The following PCSK9 variants were observed in gnomAD, a reference collection of about 807,000 sequenced individuals.
The protein encoded by PCSK9 is convertase subtilisin/kexin type 9 preproprotein.
PCSK9 carries 57 observed loss-of-function variants against 62.1 expected under a neutral mutation model. The ratio of observed to expected loss-of-function variants is 0.92; its 90% CI spans 0.74 to 1.14. The LOEUF is 1.14. Among genes scored for constraint, PCSK9 ranks in the 50% most tolerant of loss-of-function variants. The pLI is 0.00. For missense variants in PCSK9, 870 were observed against 959.8 expected (o/e 0.91, Z 1.24); for synonymous variants, 387 against 409.4 (o/e 0.95, Z 0.66).
intron 10 of PCSK9, among the ~76,000 whole-genome samples, chr1:55,060,571 G>A (rs112628598): frequency 6.6e-6 from 1 of 152,172 alleles, no homozygotes; most frequent in Middle Eastern, 3.2e-3. Context: ...AGGGGTCCTG[G>A]CTTGGAGGGA....
At chr1:55,057,976 C>A in intron 7 of PCSK9, 60 bp from the exon 8 acceptor site, 1 of 1,598,502 alleles carries the variant, frequency 6.3e-7, no homozygotes, top group Non-Finnish European at 8.6e-7. Context: ...TGGCAGGAGT[C>A]CCCTGCTGGG....
At position 55,043,945 on chromosome 1, in the gene PCSK9, C is replaced by T. The variant is rs369067856; in HGVS notation, c.310C>T (p.Arg104Cys). 2.7e-5 allele frequency: 43 copies of T among 1,614,072 alleles called. No homozygotes were observed. The highest frequency in any genetic ancestry group is 1.3e-4 in the African/African-American group (10 of 74,942). ...TARRLQAQAA[R>C]RGYLTKILHV... ...CCGCCGCCTGCAGGCCCAGGCTGCC[C>T]GCCGGGGATACCTCACCAAGATCCT... Residue 104 changes from arginine to cysteine, a missense_variant, in exon 2 of 12, where the codon CGC becomes TGC. Physicochemically the swap from Arg to Cys is radical, Grantham distance 180. Coordinates refer to ENST00000302118, the MANE Select transcript of PCSK9 (RefSeq NM_174936.4).
intron 10 of PCSK9, 73 bp from the exon 11 acceptor site, chr1:55,061,302 G>A: frequency 6.7e-7 from 1 of 1,485,402 alleles, no homozygotes; most frequent in Non-Finnish European, 9.1e-7. Context: ...AAGAGAGAGG[G>A]TCTGATGGGG....
At chr1:55,048,945 G>T (rs531258589) in intron 3 of PCSK9, among the ~76,000 whole-genome samples, 1 of 152,220 alleles carries the variant, frequency 6.6e-6, no homozygotes, top group Non-Finnish European at 1.5e-5. Flanking sequence ...CCCACTGTGC[G>T]CCAGGCACCA....
At position 55,039,783 on chromosome 1, in the gene PCSK9, C is replaced by G; in HGVS notation, c.-55C>G. 1.3e-6 allele frequency: 2 copies of G among 1,558,458 alleles called. No homozygotes were observed. Among genetic ancestry groups the G allele is most frequent in the Non-Finnish European group, 1.7e-6 (2 of 1,149,554 alleles). ...AGGCTCAAGGCGCCGCCGGCGTGGA[C>G]CGCGCACGGCCTCTAGGTCTCCTCG... On this transcript the variant is annotated 5_prime_UTR_variant, in exon 1 of 12. Coordinates refer to ENST00000302118, the MANE Select transcript of PCSK9 (RefSeq NM_174936.4).
At chr1:55,055,569 T>G (rs471705) in intron 5 of PCSK9, among the ~76,000 whole-genome samples, 78,477 of 151,948 alleles carry the variant, frequency 0.52, 23,139 homozygotes, top group East Asian at 0.76. Context: ...ACCAGTAGGA[T>G]GTATATATTA....
rs1644719796 is a variant in PCSK9, at chr1:55,056,936, C to T, written c.997-395C>T. Among the ~76,000 whole-genome samples, 3 of 42,832 alleles carry T rather than the reference C, an allele frequency of 7.0e-5. No homozygotes were observed. The South Asian group carries it at 5.4e-3, about 78-fold the overall frequency. The allele number at this position is 42,832 out of a possible 152,430, so 28.1% of individuals were successfully genotyped here. ...TACCTGACAGCGGTAACCTAGGTCCCCCCTGGCCTATCAAGGCTTCCCTGG... is the reference window on the plus strand; with the variant it reads ...TACCTGACAGCGGTAACCTAGGTCCTCCCTGGCCTATCAAGGCTTCCCTGG... On this transcript the variant is annotated intron_variant, in intron 6 of 11. Coordinates refer to ENST00000302118, the MANE Select transcript of PCSK9 (RefSeq NM_174936.4).
At chr1:55,057,885 C>T (rs917390637) in intron 7 of PCSK9, 151 bp from the exon 8 acceptor site, 1 of 1,085,980 alleles carries the variant, frequency 9.2e-7, no homozygotes, top group Non-Finnish European at 1.4e-6. Context: ...TGAGTAAGGA[C>T]TGCAGGCGGC....
chr1:55,044,135 G>A, intron 2 of PCSK9, 101 bp downstream of exon 2: 1 of 1,350,640 alleles, frequency 7.4e-7, no homozygotes, highest in East Asian at 2.4e-5. Context: ...AAATCAGAAG[G>A]GGACAGCAAG....
chr1:55,050,580 C>T (rs780243753), intron 3 of PCSK9, among the ~76,000 whole-genome samples: 1 of 152,190 alleles, frequency 6.6e-6, no homozygotes, highest in Non-Finnish European at 1.5e-5. Flanking sequence ...AAAGTGCCCA[C>T]GGGACTGATC....
rs1200471738 is a variant in PCSK9 at position 55,064,213 on chromosome 1, T to C, written c.*629T>C. ...CCTGAGCCACCTTTACTCTGCTCTATGCCAGGCTGTGCTAGCAACACCCAA... is the reference window on the plus strand; with the variant it reads ...CCTGAGCCACCTTTACTCTGCTCTACGCCAGGCTGTGCTAGCAACACCCAA... On this transcript the variant is annotated 3_prime_UTR_variant, in exon 12 of 12. Transcript: ENST00000302118. 1 of 154,844 alleles carries C rather than the reference T, an allele frequency of 6.5e-6. No homozygotes were observed. The highest frequency in any genetic ancestry group is 1.4e-5 in the Non-Finnish European group (1 of 69,812). 9.6% of individuals were successfully genotyped at this position (154,844 alleles called of 1,614,324 possible). A position where few individuals can be genotyped will look rare whatever the true frequency, so the allele number is the denominator to read the frequency against.
At chr1:55,052,254 T>G (rs761029149) in intron 3 of PCSK9, 24 bp from the exon 4 acceptor site, 7 of 1,613,942 alleles carry the variant, frequency 4.3e-6, no homozygotes, top group Non-Finnish European at 5.9e-6. Context: ...TTCCCTCCTC[T>G]CCCACAAATG....
intron 2 of PCSK9, among the ~76,000 whole-genome samples, chr1:55,045,519 T>A (rs1009378689): frequency 6.6e-6 from 1 of 152,132 alleles, no homozygotes; most frequent in African/African-American, 2.4e-5. Flanking sequence ...CAGGGACTAG[T>A]TGTGGCAGGA....
Position 55,063,961 on chromosome 1 carries a change from A to G in PCSK9, c.*377A>G. ...GGCATTCAATCCTCAGGTCTCCACCAAGGAGGCAGGATTCTTCCCATGGAT... is the reference window on the plus strand; with the variant it reads ...GGCATTCAATCCTCAGGTCTCCACCGAGGAGGCAGGATTCTTCCCATGGAT... On this transcript the variant is annotated 3_prime_UTR_variant, in exon 12 of 12. Transcript: ENST00000302118. The G allele has an allele frequency of 4.1e-6, 1 of 245,222 alleles. No individual in the cohort carries two copies. Among genetic ancestry groups the G allele is most frequent in the Non-Finnish European group, 7.9e-6 (1 of 125,800 alleles). The allele number at this position is 245,222 out of a possible 1,614,324, so 15.2% of individuals were successfully genotyped here.
rs1325296981 is a variant in PCSK9, at chr1:55,044,041, C to T, written c.399+7C>T. Reference sequence around the variant, plus strand: ...TGGCGACCTGCTGGAGCTGGTGAGCCACCCTTTTTGGGAATGGCACTTCCT... The same window carrying T: ...TGGCGACCTGCTGGAGCTGGTGAGCTACCCTTTTTGGGAATGGCACTTCCT... On this transcript the variant is annotated splice_region_variant and intron_variant, in intron 2 of 11. Transcript: ENST00000302118. 3.1e-6 allele frequency: 5 copies of T among 1,613,966 alleles called. No individual in the cohort carries two copies. In the South Asian group the frequency reaches 4.4e-5, roughly 14 times the overall value.
intron 2 of PCSK9, among the ~76,000 whole-genome samples, chr1:55,044,906 G>A (rs182409542): frequency 6.6e-6 from 1 of 152,280 alleles, no homozygotes. Flanking sequence ...GCCATGACAG[G>A]GATTGACAGG....
chr1:55,055,968 G>A (rs768203908), intron 5 of PCSK9, 25 bp from the exon 6 acceptor site: 2 of 1,590,956 alleles, frequency 1.3e-6, no homozygotes, highest in Admixed American at 1.7e-5. Flanking sequence ...TCCCCAAGGG[G>A]TGACCTTGGC....
chr1:55,052,116 G>A, intron 3 of PCSK9, 162 bp from the exon 4 acceptor site: 1 of 971,086 alleles, frequency 1.0e-6, no homozygotes, highest in Non-Finnish European at 1.6e-6. Context: ...ATACATTATA[G>A]AATAGGATGT....
chr1:55,046,442 C>G, intron 2 of PCSK9, 81 bp from the exon 3 acceptor site: 1 of 1,604,442 alleles, frequency 6.2e-7, no homozygotes, highest in South Asian at 1.1e-5. Flanking sequence ...CAGGTTTGAT[C>G]AGGTAAGGCC....
Sources: allele counts gnomAD v4.1 joint callset (sites outside exome capture counted in the v4.1 genomes callset), GRCh38; gene constraint gnomAD v4.1.1; transcripts MANE v1.5; gene names NCBI Gene and HGNC (gene_info 2026-07-23, HGNC 2026-07-21).